Variants in TMEM45B observed in about 807,000 individuals in gnomAD.
TMEM45B encodes the protein transmembrane protein 45B.
In TMEM45B, 29 loss-of-function variants were observed where a neutral mutation model predicts 27.3. That is an observed-to-expected ratio of 1.06 (90% confidence interval 0.79 to 1.45). The LOEUF is 1.45. Ranked by LOEUF, TMEM45B falls within the 40% of genes most tolerant of loss-of-function variation. The probability of loss-of-function intolerance (pLI) is 0.00; values close to 1 mark genes in which losing one functional copy is unlikely to be tolerated. For synonymous variants in TMEM45B, 143 were observed against 134.7 expected (o/e 1.06, Z -0.43); for missense variants, 348 against 343.9 (o/e 1.01, Z -0.09).
In TMEM45B at chr11:129,859,803, A is replaced by G. The variant is rs1947983671; in HGVS notation, c.*1118A>G. The stretch of plus-strand genomic sequence containing the variant: ...CACTGTACTCCAGCCTAGGTGACAG[A>G]GCAAGACTCTGTCTCAAAAACAAGC... On this transcript the variant is annotated 3_prime_UTR_variant, in exon 6 of 6. Transcript: ENST00000281441. 6.6e-6 allele frequency: 1 copy of G among 152,280 alleles called. No individual in the cohort carries two copies. Among genetic ancestry groups the G allele is most frequent in the African/African-American group, 2.4e-5 (1 of 41,440 alleles). 9.4% of individuals were successfully genotyped at this position (152,280 alleles called of 1,614,324 possible). A position where few individuals can be genotyped will look rare whatever the true frequency, so the allele number is the denominator to read the frequency against.
intron 1 of TMEM45B, among the ~76,000 whole-genome samples, chr11:129,851,498 C>T (rs918834464): frequency 1.5e-5 from 2 of 132,280 alleles, no homozygotes; most frequent in Non-Finnish European, 3.2e-5. Context: ...GAGCCAAGAT[C>T]GTGCCACTGC....
At chr11:129,819,557 C>T (rs1947393376) in intron 1 of TMEM45B, among the ~76,000 whole-genome samples, 1 of 148,928 alleles carries the variant, frequency 6.7e-6, no homozygotes, top group Non-Finnish European at 1.5e-5. Context: ...CTTTTCTTTT[C>T]TCTCTCTCTC....
chr11:129,840,030 G>A (rs1429168593), intron 1 of TMEM45B, among the ~76,000 whole-genome samples: 2 of 152,068 alleles, frequency 1.3e-5, no homozygotes, highest in African/African-American at 4.8e-5. Flanking sequence ...TTGGAAAATG[G>A]GTTATCCAAA....
At chr11:129,823,399 T>G (rs186815793) in intron 1 of TMEM45B, among the ~76,000 whole-genome samples, 87 of 152,296 alleles carry the variant, frequency 5.7e-4, no homozygotes, top group African/African-American at 2.0e-3. Context: ...AGACCCTGAT[T>G]TTTTGCTGTT....
chr11:129,820,642 A>C (rs904816264), intron 1 of TMEM45B, among the ~76,000 whole-genome samples: 1 of 152,196 alleles, frequency 6.6e-6, no homozygotes, highest in Non-Finnish European at 1.5e-5. Flanking sequence ...TTGCGGGAAT[A>C]CATTTTGAGA....
chr11:129,827,350 C>T (rs544127009), intron 1 of TMEM45B, among the ~76,000 whole-genome samples: 13 of 152,330 alleles, frequency 8.5e-5, no homozygotes, highest in Admixed American at 4.6e-4. Flanking sequence ...GCTGAGTATA[C>T]GCACTGTTAG....
At chr11:129,821,348 A>G (rs1947417600) in intron 1 of TMEM45B, among the ~76,000 whole-genome samples, 1 of 152,182 alleles carries the variant, frequency 6.6e-6, no homozygotes, top group Non-Finnish European at 1.5e-5. Context: ...TAAATTTTCC[A>G]AGCACATCTG....
intron 1 of TMEM45B, among the ~76,000 whole-genome samples, chr11:129,834,603 G>C (rs1025897270): frequency 9.9e-5 from 15 of 151,984 alleles, no homozygotes; most frequent in Non-Finnish European, 2.1e-4. Flanking sequence ...CTGAGGTCAG[G>C]AGTTTGAGAC....
chr11:129,837,603 G>C (rs1947638934), intron 1 of TMEM45B, among the ~76,000 whole-genome samples: 1 of 27,652 alleles, frequency 3.6e-5, no homozygotes, highest in Non-Finnish European at 8.5e-5. Flanking sequence ...TTTTTTTTGA[G>C]ACAGGGTCTC....
At chr11:129,839,312 T>C (rs1947662206) in intron 1 of TMEM45B, among the ~76,000 whole-genome samples, 1 of 152,000 alleles carries the variant, frequency 6.6e-6, no homozygotes, top group African/African-American at 2.4e-5. Flanking sequence ...GTCATGGAAG[T>C]GTTGAGATGA....
intron 4 of TMEM45B, among the ~76,000 whole-genome samples, chr11:129,857,026 G>T (rs1947938326): frequency 6.6e-6 from 1 of 151,806 alleles, no homozygotes; most frequent in Admixed American, 6.6e-5. Context: ...CTCATTTTTT[G>T]TATTTTTAGT....
intron 1 of TMEM45B, among the ~76,000 whole-genome samples, chr11:129,840,048 G>C (rs985625700): frequency 2.0e-5 from 3 of 152,146 alleles, no homozygotes; most frequent in African/African-American, 7.2e-5. Flanking sequence ...AAATTATTTA[G>C]AAGTCCAAAT....
intron 1 of TMEM45B, among the ~76,000 whole-genome samples, chr11:129,831,116 C>T (rs940919002): frequency 2.6e-5 from 4 of 152,184 alleles, no homozygotes; most frequent in Non-Finnish European, 5.9e-5. Context: ...AATAATAGGA[C>T]TGTATTAGAA....
intron 1 of TMEM45B, among the ~76,000 whole-genome samples, chr11:129,819,838 G>A (rs2135548971): frequency 6.6e-6 from 1 of 151,974 alleles, no homozygotes; most frequent in Non-Finnish European, 1.5e-5. Context: ...ACAGATGTGA[G>A]CCACCACGCC....
chr11:129,837,806 A>C (rs1372534645), intron 1 of TMEM45B, among the ~76,000 whole-genome samples: 1 of 99,874 alleles, frequency 1.0e-5, no homozygotes, highest in African/African-American at 3.7e-5. Context: ...TTTTGAGACT[A>C]AGTCTTGCTT....
At chr11:129,828,873 G>C (rs1947516859) in intron 1 of TMEM45B, among the ~76,000 whole-genome samples, 1 of 152,176 alleles carries the variant, frequency 6.6e-6, no homozygotes, top group South Asian at 2.1e-4. Flanking sequence ...CCCATTTAGG[G>C]TCAGCTACTC....
chr11:129,856,739 T>C (rs962424166), intron 4 of TMEM45B, among the ~76,000 whole-genome samples: 8 of 151,688 alleles, frequency 5.3e-5, no homozygotes, highest in Admixed American at 5.3e-4. Flanking sequence ...TTTTGTATTT[T>C]TAGTAGAGAT....
intron 1 of TMEM45B, among the ~76,000 whole-genome samples, chr11:129,842,385 G>A (rs1348806529): frequency 1.3e-5 from 2 of 152,176 alleles, no homozygotes; most frequent in Admixed American, 6.5e-5. Context: ...CACTTCCTGT[G>A]TTCAAATTAT....
chr11:129,850,673 C>A (rs1947835295), intron 1 of TMEM45B: 1 of 152,186 alleles, frequency 6.6e-6, no homozygotes, highest in South Asian at 2.1e-4. Context: ...TTCTTTATTT[C>A]TGTCTGAGAC....
Sources: allele counts gnomAD v4.1 joint callset (sites outside exome capture counted in the v4.1 genomes callset), GRCh38; gene constraint gnomAD v4.1.1; transcripts MANE v1.5; gene names NCBI Gene and HGNC (gene_info 2026-07-23, HGNC 2026-07-21).